Variants in TRPM3 observed in about 807,000 individuals in gnomAD.
TRPM3 encodes the protein long transient receptor potential channel 3.
TRPM3 carries 77 observed loss-of-function variants against 181.2 expected under a neutral mutation model. That is an observed-to-expected ratio of 0.42 (90% CI 0.35 to 0.51). The LOEUF (loss-of-function observed/expected upper bound fraction) is 0.51. Among genes scored for constraint, TRPM3 ranks in the 20% least tolerant of loss-of-function variants. TRPM3 has a pLI of 0.01. For missense variants in TRPM3, 1,759 were observed against 2,196.7 expected (o/e 0.80, Z 3.98); for synonymous variants, 745 against 796.4 (o/e 0.94, Z 1.09).
intron 1 of TRPM3, among the ~76,000 whole-genome samples, chr9:71,007,859 C>T (rs1466539351): frequency 2.0e-5 from 3 of 151,846 alleles, no homozygotes; most frequent in Non-Finnish European, 4.4e-5. Context: ...AATGTTATGC[C>T]TCAAGGAAGT....
intron 1 of TRPM3, among the ~76,000 whole-genome samples, chr9:71,050,549 T>A (rs1056484415): frequency 1.3e-5 from 2 of 152,180 alleles, no homozygotes; most frequent in African/African-American, 4.8e-5. Context: ...AAAAATTATA[T>A]CTTATTTGAT....
intron 1 of TRPM3, among the ~76,000 whole-genome samples, chr9:70,915,232 A>G (rs1010897214): frequency 6.6e-6 from 1 of 152,212 alleles, no homozygotes; most frequent in Non-Finnish European, 1.5e-5. Context: ...ATCAAATTTA[A>G]CAAAGAGATT....
At chr9:70,901,405 C>T (rs1180824564) in intron 1 of TRPM3, among the ~76,000 whole-genome samples, 1 of 151,924 alleles carries the variant, frequency 6.6e-6, no homozygotes, top group African/African-American at 2.4e-5. Context: ...AATCCAGTGG[C>T]TTACTTTGCG....
chr9:71,349,972 T>C (rs888928364), intron 1 of TRPM3, among the ~76,000 whole-genome samples: 1 of 28,868 alleles, frequency 3.5e-5, no homozygotes, highest in Admixed American at 4.6e-4. Flanking sequence ...TAAGTGCATA[T>C]ATATATATAT....
intron 1 of TRPM3, among the ~76,000 whole-genome samples, chr9:71,196,865 C>T (rs191213757): frequency 0.043 from 4,563 of 105,790 alleles, 206 homozygotes; most frequent in African/African-American, 0.13. Context: ...TTGGGCCTTT[C>T]TTTTTATTTT....
intron 1 of TRPM3, among the ~76,000 whole-genome samples, chr9:71,381,192 A>T (rs185863567): frequency 2.0e-5 from 3 of 152,324 alleles, no homozygotes; most frequent in African/African-American, 7.2e-5. Context: ...ACTCTCAGGC[A>T]ATAATAAATG....
At chr9:70,664,006 T>G (rs2061470821) in intron 9 of TRPM3, among the ~76,000 whole-genome samples, 1 of 152,220 alleles carries the variant, frequency 6.6e-6, no homozygotes, top group African/African-American at 2.4e-5. Context: ...AGGATCACTT[T>G]GAAGATTAAA....
intron 6 of TRPM3, among the ~76,000 whole-genome samples, chr9:70,819,552 A>G (rs1033471855): frequency 6.6e-6 from 1 of 152,188 alleles, no homozygotes; most frequent in African/African-American, 2.4e-5. Flanking sequence ...TAGGGTAAAG[A>G]AAAAAACAGA....
At chr9:71,228,874 T>C (rs962745144) in intron 1 of TRPM3, among the ~76,000 whole-genome samples, 1 of 152,152 alleles carries the variant, frequency 6.6e-6, no homozygotes, top group Non-Finnish European at 1.5e-5. Context: ...ATCAATATTG[T>C]CAAAATGTCC....
Position 70,536,637 on chromosome 9 carries a change from T to C in TRPM3, c.4476A>G (p.Pro1492=), listed in dbSNP as rs756467365. ...RSFSSDYTHL[P]ECQNPWDSEP... ...CTGAGTCCCAGGGGTTTTGGCATTC[T>C]GGGAGGTGGGTGTAGTCTGAAGAAA... Residue 1492 remains proline (P), a synonymous_variant, in exon 26 of 26, where the codon CCA becomes CCG. Transcript: ENST00000677713. 6.2e-7 allele frequency: 1 copy of C among 1,614,102 alleles called. No individual in the cohort carries two copies. Among genetic ancestry groups the C allele is most frequent in the South Asian group, 1.1e-5 (1 of 91,066 alleles).
chr9:70,927,422 C>A (rs576348053), intron 1 of TRPM3, among the ~76,000 whole-genome samples: 40 of 152,242 alleles, frequency 2.6e-4, no homozygotes, highest in African/African-American at 9.4e-4. Flanking sequence ...AGGAAATTCA[C>A]AGCATAAGAA....
intron 1 of TRPM3, among the ~76,000 whole-genome samples, chr9:70,881,497 T>C (rs1388775094): frequency 6.6e-6 from 1 of 152,186 alleles, no homozygotes; most frequent in Non-Finnish European, 1.5e-5. Flanking sequence ...GGCAGGCTGA[T>C]TATGACTTAA....
chr9:71,080,173 A>AATAAATAG, intron 1 of TRPM3, among the ~76,000 whole-genome samples: 1 of 144,926 alleles, frequency 6.9e-6, no homozygotes, highest in Non-Finnish European at 1.5e-5. Context: ...TCCATCTCAA[A>AATAAATAG]ATAAATAAAT....
At chr9:70,541,270 C>T (rs977657271) in intron 25 of TRPM3, among the ~76,000 whole-genome samples, 1 of 152,184 alleles carries the variant, frequency 6.6e-6, no homozygotes, top group Non-Finnish European at 1.5e-5. Context: ...CAAACCTTAA[C>T]TGTCCTATGG....
chr9:70,842,934 A>G, intron 5 of TRPM3, 69 bp downstream of exon 5: 1 of 1,520,662 alleles, frequency 6.6e-7, no homozygotes, highest in Non-Finnish European at 9.0e-7. Flanking sequence ...TTTGAATACT[A>G]ATTTTATTAT....
At chr9:70,740,173 A>G (rs939520456) in intron 8 of TRPM3, among the ~76,000 whole-genome samples, 4 of 152,198 alleles carry the variant, frequency 2.6e-5, no homozygotes, top group African/African-American at 9.6e-5. Context: ...GCCATACACC[A>G]TCAACGACCA....
At chr9:71,100,387 C>T (rs1171217470) in intron 1 of TRPM3, among the ~76,000 whole-genome samples, 2 of 152,096 alleles carry the variant, frequency 1.3e-5, no homozygotes, top group Non-Finnish European at 2.9e-5. Flanking sequence ...CAGCCTCATT[C>T]CTTCACTCTC....
At chr9:70,572,519 C>T (rs145875066) in intron 22 of TRPM3, among the ~76,000 whole-genome samples, 3 of 152,200 alleles carry the variant, frequency 2.0e-5, no homozygotes, top group African/African-American at 4.8e-5. Context: ...TAGTTTCCTC[C>T]GGTTGTTGAC....
At chr9:70,819,303 T>A in intron 6 of TRPM3, among the ~76,000 whole-genome samples, 1 of 152,188 alleles carries the variant, frequency 6.6e-6, no homozygotes, top group Non-Finnish European at 1.5e-5. Flanking sequence ...GGGAGGCACA[T>A]AATCATAGAT....
Sources: allele counts gnomAD v4.1 joint callset (sites outside exome capture counted in the v4.1 genomes callset), GRCh38; gene constraint gnomAD v4.1.1; transcripts MANE v1.5; gene names NCBI Gene and HGNC (gene_info 2026-07-23, HGNC 2026-07-21).